The following ADAMTS9 variants were observed in gnomAD, a reference collection of about 807,000 sequenced individuals.
The protein encoded by ADAMTS9 is A disintegrin and metalloproteinase with thrombospondin motifs 9.
In ADAMTS9, 107 loss-of-function variants were observed where a neutral mutation model predicts 257.1. That is an observed-to-expected ratio of 0.42 (90% CI 0.36 to 0.49). The LOEUF (loss-of-function observed/expected upper bound fraction) is 0.49, where lower values mean the gene tolerates loss of function less well. Among genes scored for constraint, ADAMTS9 ranks in the 20% least tolerant of loss-of-function variants. ADAMTS9 has a pLI of 0.03. For synonymous variants in ADAMTS9, 982 were observed against 880.9 expected, an observed-to-expected ratio of 1.11 and a Z score of -2.03; for missense variants, 2,353 against 2,469.1, an observed-to-expected ratio of 0.95 and a Z score of 1.00.
At chr3:64,606,040 C>T (rs577386128) in intron 23 of ADAMTS9, among the ~76,000 whole-genome samples, 1 of 152,222 alleles carries the variant, frequency 6.6e-6, no homozygotes, top group East Asian at 1.9e-4. Flanking sequence ...TTGATATTTT[C>T]TTTATGTTTA....
chr3:64,546,380 G>A (rs1329688234), intron 32 of ADAMTS9, among the ~76,000 whole-genome samples: 3 of 152,092 alleles, frequency 2.0e-5, no homozygotes, highest in Non-Finnish European at 2.9e-5. Flanking sequence ...GGATTTTATA[G>A]CATTTTGGAT....
chr3:64,653,446 A>T (rs999306081), intron 8 of ADAMTS9, among the ~76,000 whole-genome samples: 7 of 152,172 alleles, frequency 4.6e-5, no homozygotes, highest in African/African-American at 1.7e-4. Context: ...CTAGTTTAAA[A>T]ATATACCTGT....
At chr3:64,588,347 C>A (rs956158899) in intron 28 of ADAMTS9, 2 of 152,070 alleles carry the variant, frequency 1.3e-5, no homozygotes, top group Non-Finnish European at 2.9e-5. Flanking sequence ...AACTTGTACA[C>A]TGCTGTATCC....
chr3:64,680,741 A>G (rs1175366521), intron 3 of ADAMTS9, among the ~76,000 whole-genome samples: 1 of 152,164 alleles, frequency 6.6e-6, no homozygotes, highest in Non-Finnish European at 1.5e-5. Flanking sequence ...ACAAACACAT[A>G]TATGTTTTCG....
intron 8 of ADAMTS9, 151 bp downstream of exon 8, chr3:64,654,202 T>C (rs2106955382): frequency 2.6e-6 from 2 of 764,086 alleles, no homozygotes; most frequent in South Asian, 1.8e-5. Flanking sequence ...TCATTTCACC[T>C]AATTAGGTTC....
Position 64,621,201 on chromosome 3 carries a change from T to A in ADAMTS9, c.2726A>T (p.Asp909Val). Residue 909 changes from aspartate to valine, a missense_variant, in exon 19 of 40, where the codon GAT becomes GTT. Coordinates refer to ENST00000498707, the MANE Select transcript of ADAMTS9 (RefSeq NM_182920.2). ...TCTTTGATCAGAAACAGTAAGCTGA[T>A]CAGATTCCCTGGTGCAAACAAGTTT... Reference protein sequence around the residue: ...KRKLVCTRESDQLTVSDQRCD... With the variant: ...KRKLVCTRESVQLTVSDQRCD... 1 of 1,613,832 alleles carries A rather than the reference T, an allele frequency of 6.2e-7. No individual in the cohort carries two copies.
rs1701943989 is a variant in ADAMTS9 at position 64,687,370 on chromosome 3, C to T, written c.115+173G>A. On this transcript the variant is annotated intron_variant, in intron 1 of 39. Transcript: ENST00000498707. This position sits in a 1 kb window ranked among gnomAD's most constrained non-coding sequence, Gnocchi z 4.4. ...TGCCTAAATTCGTTTCCATAGTGTC[C>T]CTCCCTAGCAATTGGTTGGGGATGA... 6.6e-6 allele frequency among the ~76,000 whole-genome samples: 1 copy of T among 152,150 alleles called. No individual in the cohort carries two copies. Among genetic ancestry groups the T allele is most frequent in the African/African-American group, 2.4e-5 (1 of 41,432 alleles).
rs533793246 is a variant in ADAMTS9, at chr3:64,604,297, G to T, written c.3509C>A (p.Ala1170Asp). Residue 1170 changes from alanine to aspartate, a missense_variant, in exon 24 of 40, where the codon GCT becomes GAT. Transcript: ENST00000498707. ...TGTGCTTCTCCTCGTTTCCGGGGCA[G>T]CTGGGGGAGGATGACATGATGGTAA... ...CELPSCHPPP[A>D]APETRRSTYS... 15 of 1,612,802 alleles carry T rather than the reference G, an allele frequency of 9.3e-6. No homozygotes were observed. Among genetic ancestry groups the T allele is most frequent in the Admixed American group, 3.3e-5 (2 of 59,836 alleles).
chr3:64,677,917 A>C (rs984829031), intron 3 of ADAMTS9, among the ~76,000 whole-genome samples: 9 of 152,154 alleles, frequency 5.9e-5, no homozygotes, highest in African/African-American at 2.2e-4. Flanking sequence ...TAAACCCATA[A>C]AGTTTTCATT....
chr3:64,566,122 T>C (rs1301107465), intron 29 of ADAMTS9, among the ~76,000 whole-genome samples: 1 of 152,190 alleles, frequency 6.6e-6, no homozygotes, highest in Non-Finnish European at 1.5e-5. Context: ...AAAGACCAGA[T>C]ATAAAATCTT....
chr3:64,660,745 G>A (rs1480944391), intron 3 of ADAMTS9, among the ~76,000 whole-genome samples: 2 of 151,994 alleles, frequency 1.3e-5, no homozygotes, highest in South Asian at 2.1e-4. Flanking sequence ...CTGGTAATTC[G>A]TATTAAGCCA....
intron 11 of ADAMTS9, 122 bp from the exon 12 acceptor site, chr3:64,642,115 G>T (rs868796490): frequency 2.7e-6 from 3 of 1,103,116 alleles, no homozygotes; most frequent in Non-Finnish European, 1.3e-6. Flanking sequence ...AATGCTGCAG[G>T]TTCATCATCT....
chr3:64,686,401 C>G lies in ADAMTS9; in HGVS notation c.516+167G>C, dbSNP rs1701908970. Reference sequence around the variant, plus strand: ...TGCGCTCCACGCCAGTGTACTCGCACGCACAGAGCTAGCTACCCAAACCAT... The same window carrying G: ...TGCGCTCCACGCCAGTGTACTCGCAGGCACAGAGCTAGCTACCCAAACCAT... On this transcript the variant is annotated intron_variant, in intron 2 of 39. Coordinates refer to ENST00000498707, the MANE Select transcript of ADAMTS9 (RefSeq NM_182920.2). This position sits in a 1 kb window ranked among gnomAD's most constrained non-coding sequence, Gnocchi z 4.6. Among the ~76,000 whole-genome samples, 1 of 152,244 alleles carries G rather than the reference C, an allele frequency of 6.6e-6. No individual in the cohort carries two copies. The highest frequency in any genetic ancestry group is 2.4e-5 in the African/African-American group (1 of 41,472).
At chr3:64,641,802 T>A (rs374401464) in intron 12 of ADAMTS9, 46 bp downstream of exon 12, 2 of 1,605,076 alleles carry the variant, frequency 1.2e-6, no homozygotes, top group South Asian at 2.2e-5. Context: ...AGGAATTTCA[T>A]GTTCCTGCCA....
chr3:64,540,225 C>T (rs143833729), intron 36 of ADAMTS9, among the ~76,000 whole-genome samples: 62 of 152,266 alleles, frequency 4.1e-4, no homozygotes, highest in African/African-American at 1.5e-3. Context: ...CATTCTAGCT[C>T]AAGGAAATTT....
In ADAMTS9 at chr3:64,641,969, G is replaced by T; in HGVS notation, c.1735C>A (p.Pro579Thr). 1 of 1,614,120 alleles carries T rather than the reference G, an allele frequency of 6.2e-7. No individual in the cohort carries two copies. The change falls in exon 12 of 40, where the codon CCC becomes ACC. Residue 579 changes from proline to threonine, a missense_variant. Pro to Thr is a conservative substitution (Grantham distance 38). Around this residue, in one of 3 missense-constraint regions of ADAMTS9, gnomAD observed 360 missense variants for 458.1 expected, o/e 0.79. Coordinates refer to ENST00000498707, the MANE Select transcript of ADAMTS9 (RefSeq NM_182920.2). Reference sequence around the variant, plus strand: ...GTCACGGGGACATCCATTTCTTTGGGAACACAAAATCCATACTTGCAGTGC... The same window carrying T: ...GTCACGGGGACATCCATTTCTTTGGTAACACAAAATCCATACTTGCAGTGC... ...GKHCKYGFCV[P>T]KEMDVPVTDG...
At chr3:64,634,893 T>C (rs547578117) in intron 12 of ADAMTS9, among the ~76,000 whole-genome samples, 5 of 152,324 alleles carry the variant, frequency 3.3e-5, no homozygotes, top group African/African-American at 1.2e-4. Flanking sequence ...AATATATCCC[T>C]GCTCACGAAA....
intron 27 of ADAMTS9, among the ~76,000 whole-genome samples, chr3:64,595,957 A>G (rs2084357378): frequency 6.6e-6 from 1 of 152,232 alleles, no homozygotes; most frequent in East Asian, 1.9e-4. Context: ...ACACAAAACA[A>G]TAAGCATCTA....
At chr3:64,553,608 A>G (rs2083296499) in intron 30 of ADAMTS9, among the ~76,000 whole-genome samples, 1 of 152,060 alleles carries the variant, frequency 6.6e-6, no homozygotes, top group African/African-American at 2.4e-5. Context: ...GCCTTTCGTG[A>G]GCTACCCTGT....
Sources: allele counts gnomAD v4.1 joint callset (sites outside exome capture counted in the v4.1 genomes callset), GRCh38; gene constraint gnomAD v4.1.1; regional missense constraint gnomAD v4.1.1; non-coding constraint Gnocchi (gnomAD v3.1); transcripts MANE v1.5; gene names NCBI Gene and HGNC (gene_info 2026-07-23, HGNC 2026-07-21).